PAPPA2: variants seen among roughly 807,000 people sequenced by gnomAD.
PAPPA2 encodes pappalysin-2.
In PAPPA2, 86 loss-of-function variants were observed where a neutral mutation model predicts 176.4. That is an observed-to-expected ratio of 0.49 (90% CI 0.41 to 0.58). The LOEUF is 0.58. Ranked by LOEUF, PAPPA2 falls within the 20% of genes least tolerant of loss-of-function variation. The pLI is 0.00. For missense variants in PAPPA2, 2,073 were observed against 2,256.9 expected (o/e 0.92, Z 1.65); for synonymous variants, 809 against 852.2 (o/e 0.95, Z 0.88).
chr1:176,664,544 G>A (rs959231251), intron 3 of PAPPA2, among the ~76,000 whole-genome samples: 10 of 152,162 alleles, frequency 6.6e-5, no homozygotes, highest in African/African-American at 2.4e-4. Context: ...TGTACTTTTA[G>A]TCAAATCTAA....
At chr1:176,704,887 C>T (rs1660812096) in intron 9 of PAPPA2, among the ~76,000 whole-genome samples, 1 of 152,074 alleles carries the variant, frequency 6.6e-6, no homozygotes, top group African/African-American at 2.4e-5. Context: ...ATTATTAAAA[C>T]TAATTTTACC....
At chr1:176,666,068 A>G (rs886809727) in intron 3 of PAPPA2, among the ~76,000 whole-genome samples, 3 of 152,168 alleles carry the variant, frequency 2.0e-5, no homozygotes, top group Non-Finnish European at 4.4e-5. Context: ...AGAGTGAGAA[A>G]AGAATGGACC....
chr1:176,524,820 G>A (rs1165639634), intron 1 of PAPPA2, among the ~76,000 whole-genome samples: 1 of 152,060 alleles, frequency 6.6e-6, no homozygotes, highest in Admixed American at 6.6e-5. Flanking sequence ...TCAGGAGATC[G>A]AGACCATCCT....
intron 1 of PAPPA2, among the ~76,000 whole-genome samples, chr1:176,485,916 G>C (rs1241534331): frequency 6.6e-6 from 1 of 152,152 alleles, no homozygotes; most frequent in Non-Finnish European, 1.5e-5. Flanking sequence ...ATGTACAAAG[G>C]GCAATAAATT....
intron 1 of PAPPA2, among the ~76,000 whole-genome samples, chr1:176,544,367 A>G (rs925028891): frequency 6.6e-6 from 1 of 152,196 alleles, no homozygotes; most frequent in African/African-American, 2.4e-5. Context: ...TGTTCCATAA[A>G]TGCCAGTTGT....
At chr1:176,816,501 C>T (rs1372416352) in intron 21 of PAPPA2, among the ~76,000 whole-genome samples, 1 of 151,284 alleles carries the variant, frequency 6.6e-6, no homozygotes, top group East Asian at 1.9e-4. Context: ...TAGGTTTCTG[C>T]TTTCCTGCAT....
chr1:176,740,489 A>G (rs1210164904), intron 14 of PAPPA2, among the ~76,000 whole-genome samples: 1 of 152,200 alleles, frequency 6.6e-6, no homozygotes, highest in Non-Finnish European at 1.5e-5. Context: ...TCAAATCAAC[A>G]TTGTTATATA....
intron 3 of PAPPA2, among the ~76,000 whole-genome samples, chr1:176,632,632 T>A (rs1656416889): frequency 6.6e-6 from 1 of 152,188 alleles, no homozygotes; most frequent in Admixed American, 6.5e-5. Flanking sequence ...AACAGACCCA[T>A]TTTGCTTAAT....
intron 20 of PAPPA2, among the ~76,000 whole-genome samples, chr1:176,796,519 A>T (rs577037771): frequency 1.3e-5 from 2 of 152,298 alleles, no homozygotes; most frequent in East Asian, 3.9e-4. Context: ...GTGACCTTTA[A>T]CAAGACATTT....
intron 10 of PAPPA2, among the ~76,000 whole-genome samples, chr1:176,708,268 G>A (rs755049077): frequency 1.2e-4 from 19 of 152,106 alleles, no homozygotes; most frequent in South Asian, 2.1e-4. Context: ...TACAGGGTAA[G>A]GTTAAAATGA....
At chr1:176,583,045 A>G (rs1653083323) in intron 2 of PAPPA2, among the ~76,000 whole-genome samples, 1 of 152,236 alleles carries the variant, frequency 6.6e-6, no homozygotes, top group East Asian at 1.9e-4. Flanking sequence ...AGCATTCATA[A>G]TAGTTTCTAA....
intron 4 of PAPPA2, among the ~76,000 whole-genome samples, chr1:176,678,843 A>C (rs904495444): frequency 6.6e-6 from 1 of 152,168 alleles, no homozygotes; most frequent in Non-Finnish European, 1.5e-5. Flanking sequence ...GGAGAAAAGT[A>C]TATAAATGTG....
At chr1:176,527,261 A>G (rs917779344) in intron 1 of PAPPA2, among the ~76,000 whole-genome samples, 2 of 152,230 alleles carry the variant, frequency 1.3e-5, no homozygotes, top group African/African-American at 4.8e-5. Flanking sequence ...TATTGTGCAG[A>G]GTCCTATGTG....
intron 4 of PAPPA2, among the ~76,000 whole-genome samples, chr1:176,684,133 C>A (rs1659722414): frequency 6.6e-6 from 1 of 152,158 alleles, no homozygotes; most frequent in African/African-American, 2.4e-5. Context: ...AAAAGGATTT[C>A]TTGTTTCCTT....
intron 3 of PAPPA2, among the ~76,000 whole-genome samples, chr1:176,665,728 C>T (rs922453910): frequency 6.6e-6 from 1 of 152,162 alleles, no homozygotes; most frequent in African/African-American, 2.4e-5. Context: ...TATACTTTCT[C>T]TGTATTTAAC....
At chr1:176,678,461 T>C (rs1236826513) in intron 4 of PAPPA2, among the ~76,000 whole-genome samples, 1 of 152,074 alleles carries the variant, frequency 6.6e-6, no homozygotes, top group Non-Finnish European at 1.5e-5. Flanking sequence ...ATGGAAAGTT[T>C]TTATTGTTCT....
chr1:176,629,202 G>A (rs116137838), intron 3 of PAPPA2, among the ~76,000 whole-genome samples: 4 of 152,136 alleles, frequency 2.6e-5, no homozygotes, highest in Admixed American at 6.5e-5. Context: ...TCCATCAGAA[G>A]GTGTTTCCCC....
chr1:176,716,635 G>A (rs1362801902), intron 12 of PAPPA2, among the ~76,000 whole-genome samples: 2 of 113,864 alleles, frequency 1.8e-5, no homozygotes, highest in African/African-American at 3.6e-5. Flanking sequence ...TTTTTGAGAT[G>A]GAGTCTTGCT....
intron 3 of PAPPA2, among the ~76,000 whole-genome samples, chr1:176,632,270 G>A (rs1656386194): frequency 6.7e-6 from 1 of 148,974 alleles, no homozygotes; most frequent in African/African-American, 2.5e-5. Context: ...TGTGAGAACA[G>A]CTCTTAGGAA....
Sources: gnomAD v4.1 joint callset for allele counts (sites outside exome capture counted in the v4.1 genomes callset) on GRCh38, gnomAD v4.1.1 for gene constraint, MANE v1.5 for transcripts, NCBI Gene and HGNC (gene_info 2026-07-23, HGNC 2026-07-21) for gene names.